The following DAB2IP variants were observed in gnomAD, a reference collection of about 807,000 sequenced individuals.
DAB2IP encodes DAB2 interacting protein, also known as disabled homolog 2-interacting protein.
In DAB2IP, 28 loss-of-function variants were observed where a neutral mutation model predicts 107.2. That is an observed-to-expected ratio of 0.26 (90% CI 0.19 to 0.36). DAB2IP has a LOEUF of 0.36. Ranked by LOEUF, DAB2IP falls within the 10% of genes least tolerant of loss-of-function variation. The pLI, the probability that DAB2IP is intolerant of heterozygous loss-of-function variation, is 1.00. For missense variants in DAB2IP, 1,400 were observed against 1,644.7 expected (o/e 0.85, Z 2.57); for synonymous variants, 755 against 706.4 (o/e 1.07, Z -1.09).
At chr9:121,740,166 G>A (rs1217451680) in intron 3 of DAB2IP, among the ~76,000 whole-genome samples, 2 of 152,102 alleles carry the variant, frequency 1.3e-5, no homozygotes, top group African/African-American at 2.4e-5. Flanking sequence ...CCAGGGAGGG[G>A]CCTGAATGTT....
chr9:121,574,031 C>A (rs1372600775), intron 1 of DAB2IP, among the ~76,000 whole-genome samples: 1 of 152,116 alleles, frequency 6.6e-6, no homozygotes, highest in Non-Finnish European at 1.5e-5. Flanking sequence ...CAGGGATGGT[C>A]TAAAGAGAAG....
At chr9:121,774,449 GC>G in intron 13 of DAB2IP, 37 bp downstream of exon 13, 3 of 1,552,292 alleles carry the variant, frequency 1.9e-6, no homozygotes, top group Non-Finnish European at 2.6e-6. Flanking sequence ...ACAGGGCGGG[GC>G]TGCCTCCCGG....
At chr9:121,652,007 G>T (rs1408145738) in intron 1 of DAB2IP, 108 bp downstream of exon 1, 4 of 1,034,308 alleles carry the variant, frequency 3.9e-6, no homozygotes, top group Non-Finnish European at 5.0e-6. Flanking sequence ...ATTTGCCGGG[G>T]GTTTCCTCAT....
chr9:121,630,883 C>G (rs1831853068), intron 1 of DAB2IP, among the ~76,000 whole-genome samples: 1 of 152,206 alleles, frequency 6.6e-6, no homozygotes, highest in Non-Finnish European at 1.5e-5. Context: ...GCTGGGATTA[C>G]AGGCATGAGC....
intron 1 of DAB2IP, among the ~76,000 whole-genome samples, chr9:121,615,875 C>T (rs1831256709): frequency 6.6e-6 from 1 of 152,070 alleles, no homozygotes; most frequent in African/African-American, 2.4e-5. Flanking sequence ...ATCCACCTCC[C>T]TTGGCCTCCC....
At chr9:121,717,419 GT>G (rs1356472850) in intron 3 of DAB2IP, among the ~76,000 whole-genome samples, 1 of 152,372 alleles carries the variant, frequency 6.6e-6, no homozygotes, top group Middle Eastern at 3.4e-3. Context: ...TTTCGGTGCA[GT>G]TTTACAGAAA....
chr9:121,782,578 C>T lies in DAB2IP; in HGVS notation c.*80C>T, dbSNP rs1835740979. On this transcript the variant is annotated 3_prime_UTR_variant, in exon 16 of 16. Coordinates refer to ENST00000408936, the Ensembl canonical transcript of DAB2IP. The surrounding 1 kb of genome is among the most constrained non-coding windows in gnomAD (Gnocchi z 6.1). ...GGCAGGGTCTCGGCCTGGGGAGGCACCCACGGTTGCAGCCCCAGCGCGGGT... is the reference window on the plus strand; with the variant it reads ...GGCAGGGTCTCGGCCTGGGGAGGCATCCACGGTTGCAGCCCCAGCGCGGGT... 1.3e-5 allele frequency: 21 copies of T among 1,561,490 alleles called. No homozygotes were observed. Among genetic ancestry groups the T allele is most frequent in the Non-Finnish European group, 1.7e-5 (19 of 1,150,108 alleles).
At position 121,772,621 on chromosome 9, in the gene DAB2IP, C is replaced by T; in HGVS notation, c.2093C>T (p.Thr698Ile). ...TCTCCCTGCAGTCTGATAGATTTCA[C>T]CCGGTTACCGTCTCCAACCCCCGAA... Residue 698 changes from threonine (T) to isoleucine (I), a missense_variant, in exon 12 of 16, where the codon ACC becomes ATC. Transcript: ENST00000408936. The surrounding 1 kb of genome is among the most constrained non-coding windows in gnomAD (Gnocchi z 4.7). 1 of 1,612,908 alleles carries T rather than the reference C, an allele frequency of 6.2e-7. No homozygotes were observed. Among genetic ancestry groups the T allele is most frequent in the Non-Finnish European group, 8.5e-7 (1 of 1,179,302 alleles).
rs538299615 is a variant in DAB2IP at position 121,750,556 on chromosome 9, G to A, written c.363-6457G>A. ...CTGGAAGTGGCCTCTCCTGGTCCCA[G>A]CCTTGCCCTTTGGGGCCACACAGGG... On this transcript the variant is annotated intron_variant, in intron 3 of 15. Coordinates refer to ENST00000408936, the Ensembl canonical transcript of DAB2IP. Among the ~76,000 whole-genome samples, 8 of 152,306 alleles carry A rather than the reference G, an allele frequency of 5.3e-5. 2 individuals carry two copies. The highest frequency in any genetic ancestry group is 1.9e-4 in the African/African-American group (8 of 41,580).
intron 3 of DAB2IP, among the ~76,000 whole-genome samples, chr9:121,717,911 C>T (rs1830697074): frequency 6.6e-6 from 1 of 152,192 alleles, no homozygotes; most frequent in East Asian, 1.9e-4. Flanking sequence ...AGCCCCCAGC[C>T]AAGGTCCCTG....
chr9:121,629,405 G>A (rs78424955), intron 1 of DAB2IP, among the ~76,000 whole-genome samples: 19,030 of 152,118 alleles, frequency 0.13, 1,541 homozygotes, highest in East Asian at 0.33. Context: ...TCCCCAAGCA[G>A]CATTGGGTGT....
chr9:121,591,596 G>T (rs968935199), intron 1 of DAB2IP, among the ~76,000 whole-genome samples: 1 of 152,212 alleles, frequency 6.6e-6, no homozygotes, highest in Non-Finnish European at 1.5e-5. Flanking sequence ...GATATGATTG[G>T]ATCTGTGCTT....
chr9:121,708,012 C>T (rs1830147266), intron 3 of DAB2IP, among the ~76,000 whole-genome samples: 1 of 152,174 alleles, frequency 6.6e-6, no homozygotes, highest in African/African-American at 2.4e-5. Flanking sequence ...GGAGGAATTG[C>T]CTAGGACACC....
At chr9:121,648,162 A>T (rs76593463), upstream of DAB2IP, among the ~76,000 whole-genome samples, 912 of 152,320 alleles carry the variant, frequency 6.0e-3, 7 homozygotes, top group African/African-American at 0.02. Flanking sequence ...ATCCCAAGTT[A>T]CTGCTCGGGA....
At chr9:121,713,153 A>G (rs1830419017) in intron 3 of DAB2IP, among the ~76,000 whole-genome samples, 1 of 152,124 alleles carries the variant, frequency 6.6e-6, no homozygotes, top group African/African-American at 2.4e-5. Flanking sequence ...TAGATAAGGT[A>G]ACTGAGGCCC....
chr9:121,746,392 A>G (rs1039697930), intron 3 of DAB2IP, among the ~76,000 whole-genome samples: 42 of 152,214 alleles, frequency 2.8e-4, no homozygotes, highest in African/African-American at 1.0e-3. Context: ...GACCAAAGTC[A>G]CAGAGTTTTG....
chr9:121,660,211 C>T (rs748987797), intron 1 of DAB2IP, among the ~76,000 whole-genome samples: 1 of 152,164 alleles, frequency 6.6e-6, no homozygotes, highest in Non-Finnish European at 1.5e-5. Context: ...AGGGGTTCTT[C>T]TAAGTCCTTT....
At chr9:121,627,920 T>G (rs1271315023) in intron 1 of DAB2IP, among the ~76,000 whole-genome samples, 1 of 152,204 alleles carries the variant, frequency 6.6e-6, no homozygotes, top group Non-Finnish European at 1.5e-5. Context: ...CTTTCTGCAG[T>G]GTGAGATTGA....
chr9:121,773,291 G>GGCC, exon 12 of DAB2IP: 1 of 1,511,542 alleles, frequency 6.6e-7, no homozygotes, highest in Non-Finnish European at 8.9e-7. Flanking sequence ...ACCAGCCTCC[G>GGCC]CCCCCACCCC....
Sources: allele counts gnomAD v4.1 joint callset (sites outside exome capture counted in the v4.1 genomes callset), GRCh38; gene constraint gnomAD v4.1.1; non-coding constraint Gnocchi (gnomAD v3.1); transcripts MANE v1.5; gene names NCBI Gene and HGNC (gene_info 2026-07-23, HGNC 2026-07-21).